The following RHCG variants were observed in gnomAD, a reference collection of about 807,000 sequenced individuals.
RHCG encodes ammonium transporter Rh type C.
In RHCG, 39 loss-of-function variants were observed where a neutral mutation model predicts 55.3. The observed-to-expected ratio is 0.70, with a 90% confidence interval of 0.55 to 0.92. RHCG has a LOEUF of 0.92. Among genes scored for constraint, RHCG ranks in the 40% least tolerant of loss-of-function variants. RHCG has a pLI of 0.00. For synonymous variants in RHCG, 250 were observed against 246.8 expected, an observed-to-expected ratio of 1.01 and a Z score of -0.12; for missense variants, 635 against 627.9, an observed-to-expected ratio of 1.01 and a Z score of -0.12.
At chr15:89,483,278 C>T in intron 2 of RHCG, 61 bp from the exon 3 acceptor site, 3 of 1,440,366 alleles carry the variant, frequency 2.1e-6, no homozygotes, top group East Asian at 2.4e-5. Context: ...ACTGGAGGCC[C>T]TGGACTTTGG....
intron 4 of RHCG, chr15:89,479,746 C>T (rs1961230263): frequency 2.0e-6 from 1 of 507,608 alleles, no homozygotes; most frequent in African/African-American, 1.9e-5. Context: ...ACCCTGTTCC[C>T]ACAGCGCCAG....
chr15:89,485,809 C>T (rs1435562780), intron 2 of RHCG, among the ~76,000 whole-genome samples: 1 of 152,180 alleles, frequency 6.6e-6, no homozygotes, highest in Non-Finnish European at 1.5e-5. Flanking sequence ...AAAAATCTCC[C>T]AAAGGTTCTT....
intron 1 of RHCG, among the ~76,000 whole-genome samples, chr15:89,490,561 T>C (rs1961454920): frequency 6.6e-6 from 1 of 152,138 alleles, no homozygotes; most frequent in South Asian, 2.1e-4. Context: ...CCATAAATGG[T>C]ATTATGGTTA....
In RHCG at chr15:89,483,202, G is replaced by C. The variant is rs993822041; in HGVS notation, c.387C>G (p.Asp129Glu). 2 of 1,579,220 alleles carry C rather than the reference G, an allele frequency of 1.3e-6. No individual in the cohort carries two copies. Among genetic ancestry groups the C allele is most frequent in the South Asian group, 2.2e-5 (2 of 89,046 alleles). ...CCACGCAGACAGAGGCCACGCAGAAGTCAGCGTTGATGAGGCTGTGGGGAG... is the reference window on the plus strand; with the variant it reads ...CCACGCAGACAGAGGCCACGCAGAACTCAGCGTTGATGAGGCTGTGGGGAG... Reference protein sequence around the residue: ...VVGVENLINADFCVASVCVAF... With the variant: ...VVGVENLINAEFCVASVCVAF... Residue 129 changes from aspartate (D) to glutamate (E), a missense_variant, in exon 3 of 11, where the codon GAC (aspartate) becomes GAG (glutamate). Physicochemically the swap from Asp to Glu is conservative, Grantham distance 45 (BLOSUM62 2). Transcript: ENST00000268122.
Position 89,486,871 on chromosome 15 carries a change from A to G in RHCG, c.299T>C (p.Ile100Thr). The change falls in exon 2 of 11, where the codon ATC becomes ACC. Residue 100 changes from isoleucine to threonine, a missense_variant. Ile to Thr is a moderately conservative substitution (Grantham distance 89). Transcript: ENST00000268122. The part of the protein sequence containing the change: ...GFNFLLAAFG[I>T]QWALLMQGWF... ...GCCCTGCATGAGCAGCGCCCACTGG[A>G]TGCCGAAGGCTGCCAACAGGAAGTT... is the stretch of plus-strand genomic sequence containing the variant. The G allele has an allele frequency of 6.2e-7, 1 of 1,612,622 alleles. No individual in the cohort carries two copies. The highest frequency in any genetic ancestry group is 8.5e-7 in the Non-Finnish European group (1 of 1,178,786).
chr15:89,487,053 C>T (rs1384916604), intron 1 of RHCG, 68 bp from the exon 2 acceptor site: 2 of 1,409,646 alleles, frequency 1.4e-6, no homozygotes, highest in South Asian at 1.5e-5. Context: ...GGGTCTGGGC[C>T]AGGAAGGCCG....
intron 1 of RHCG, among the ~76,000 whole-genome samples, chr15:89,489,066 G>A (rs1234141382): frequency 6.6e-6 from 1 of 152,160 alleles, no homozygotes; most frequent in Non-Finnish European, 1.5e-5. Context: ...CATCCGTGTA[G>A]AGAAAGAGTG....
intron 1 of RHCG, among the ~76,000 whole-genome samples, chr15:89,490,007 A>G (rs1271641866): frequency 6.6e-6 from 1 of 152,180 alleles, no homozygotes; most frequent in Non-Finnish European, 1.5e-5. Flanking sequence ...ACTCTCAGTT[A>G]ATAGCTATGG....
chr15:89,486,708 C>G, intron 2 of RHCG, 91 bp downstream of exon 2: 2 of 1,422,480 alleles, frequency 1.4e-6, no homozygotes, highest in South Asian at 1.3e-5. Flanking sequence ...GCCCGGGTCC[C>G]GCCGATGGGC....
intron 9 of RHCG, among the ~76,000 whole-genome samples, chr15:89,474,756 T>G (rs79465116): frequency 0.19 from 26,940 of 139,920 alleles, 2,621 homozygotes; most frequent in South Asian, 0.25. Context: ...CTGCCTGCCT[T>G]CCTTCCTGCC....
chr15:89,472,654 G>C, intron 10 of RHCG, 57 bp downstream of exon 10: 11 of 1,517,722 alleles, frequency 7.2e-6, no homozygotes, highest in Non-Finnish European at 9.9e-6. Context: ...GATTCTGAGA[G>C]CTGGGCCCCC....
chr15:89,494,668 A>C (rs1344817609), intron 1 of RHCG, among the ~76,000 whole-genome samples: 1 of 150,172 alleles, frequency 6.7e-6, no homozygotes, highest in South Asian at 2.1e-4. Context: ...AGAGAGATAG[A>C]GATTCACTCT....
chr15:89,476,623 G>A, intron 9 of RHCG, 132 bp downstream of exon 9: 2 of 713,870 alleles, frequency 2.8e-6, no homozygotes, highest in Non-Finnish European at 4.9e-6. Flanking sequence ...CCCCGATGAA[G>A]AAGTAGGGTA....
chr15:89,480,302 C>T lies in RHCG; in HGVS notation c.629G>A (p.Arg210Lys). ...YRRNLEQSKE[R>K]QNSVYQSDLF... ...GTCCGACTGGTACACAGAATTCTGT[C>T]TCTCCTTGCTCTGCTCTAGGTTGCG... is the stretch of plus-strand genomic sequence containing the variant. Residue 210 changes from arginine (R) to lysine (K), a missense_variant, in exon 4 of 11, where the codon AGA (arginine) becomes AAA (lysine). Arg to Lys is a conservative substitution (Grantham distance 26). Transcript: ENST00000268122. The T allele has an allele frequency of 6.2e-7, 1 of 1,614,180 alleles. No individual in the cohort carries two copies. Among genetic ancestry groups the T allele is most frequent in the Non-Finnish European group, 8.5e-7 (1 of 1,180,016 alleles).
chr15:89,485,008 C>T (rs975675452), intron 2 of RHCG, among the ~76,000 whole-genome samples: 1 of 152,114 alleles, frequency 6.6e-6, no homozygotes. Context: ...TCCACAAGGT[C>T]AGGTCTGGGG....
At chr15:89,480,766 A>G (rs760216792) in intron 3 of RHCG, among the ~76,000 whole-genome samples, 2 of 152,284 alleles carry the variant, frequency 1.3e-5, no homozygotes, top group African/African-American at 4.8e-5. Context: ...TGTGCCTCTC[A>G]TTTGACAAGC....
intron 2 of RHCG, among the ~76,000 whole-genome samples, chr15:89,484,312 A>G (rs1404439726): frequency 6.6e-6 from 1 of 152,174 alleles, no homozygotes; most frequent in Non-Finnish European, 1.5e-5. Flanking sequence ...GCTCTGGGGT[A>G]TCTACTAAGT....
intron 10 of RHCG, among the ~76,000 whole-genome samples, chr15:89,472,076 A>G (rs1380814664): frequency 6.6e-6 from 1 of 152,192 alleles, no homozygotes; most frequent in African/African-American, 2.4e-5. Flanking sequence ...TAACAATAAT[A>G]AAAACAGTAA....
At chr15:89,493,151 G>A (rs1961507288) in intron 1 of RHCG, among the ~76,000 whole-genome samples, 1 of 152,174 alleles carries the variant, frequency 6.6e-6, no homozygotes, top group South Asian at 2.1e-4. Flanking sequence ...TCCTCCCGGT[G>A]TTTGAAACCA....
Sources: allele counts gnomAD v4.1 joint callset (sites outside exome capture counted in the v4.1 genomes callset), GRCh38; gene constraint gnomAD v4.1.1; transcripts MANE v1.5; gene names NCBI Gene and HGNC (gene_info 2026-07-23, HGNC 2026-07-21).